MAML3: variants seen among roughly 807,000 people sequenced by gnomAD.
The protein encoded by MAML3 is mastermind like transcriptional coactivator 3.
A neutral mutation model predicts 101.9 loss-of-function variants in MAML3; 27 were observed. The observed-to-expected ratio is 0.27, with a 90% CI of 0.20 to 0.37. MAML3 has a LOEUF of 0.37. Among genes scored for constraint, MAML3 ranks in the 10% least tolerant of loss-of-function variants. The pLI is 1.00. For missense variants in MAML3, 1,316 were observed against 1,444.9 expected (o/e 0.91, Z 1.45); for synonymous variants, 501 against 555.9 (o/e 0.90, Z 1.39).
chr4:139,859,318 C>T (rs1187460489), intron 2 of MAML3, among the ~76,000 whole-genome samples: 1 of 151,412 alleles, frequency 6.6e-6, no homozygotes, highest in East Asian at 1.9e-4. Context: ...CCTCCACTTC[C>T]TGGGCTAAAG....
chr4:139,812,538 T>C (rs1730823497), intron 2 of MAML3, among the ~76,000 whole-genome samples: 2 of 152,150 alleles, frequency 1.3e-5, no homozygotes, highest in South Asian at 2.1e-4. Flanking sequence ...GTAATAGAAA[T>C]GGGAATTAAG....
chr4:139,733,809 T>C (rs1487346669), intron 2 of MAML3, among the ~76,000 whole-genome samples: 1 of 152,166 alleles, frequency 6.6e-6, no homozygotes, highest in Non-Finnish European at 1.5e-5. Context: ...CTCAGCCTCC[T>C]GGGTAGGTGG....
intron 1 of MAML3, among the ~76,000 whole-genome samples, chr4:140,064,732 C>G (rs1427063852): frequency 1.3e-5 from 2 of 152,166 alleles, no homozygotes; most frequent in Admixed American, 1.3e-4. Context: ...TCAAGAAGAA[C>G]TCGCCTTCCT....
At chr4:139,730,082 T>C (rs1728640607) in intron 3 of MAML3, among the ~76,000 whole-genome samples, 2 of 152,216 alleles carry the variant, frequency 1.3e-5, no homozygotes, top group African/African-American at 2.4e-5. Flanking sequence ...ATGGAGCATG[T>C]GAGACAGTCC....
chr4:139,771,362 T>A (rs978674004), intron 2 of MAML3, among the ~76,000 whole-genome samples: 1 of 152,226 alleles, frequency 6.6e-6, no homozygotes, highest in Non-Finnish European at 1.5e-5. Context: ...CATTCCTAAC[T>A]ATTCCAGTGA....
intron 2 of MAML3, among the ~76,000 whole-genome samples, chr4:139,808,101 G>A (rs918585724): frequency 5.3e-5 from 8 of 152,230 alleles, no homozygotes; most frequent in African/African-American, 1.9e-4. Context: ...AACTTGCAGT[G>A]TGTGGAGAGG....
At chr4:139,952,030 C>T (rs1399456611) in intron 1 of MAML3, among the ~76,000 whole-genome samples, 8 of 152,030 alleles carry the variant, frequency 5.3e-5, no homozygotes, top group Admixed American at 2.0e-4. Context: ...CCGTGTGTAG[C>T]GGCGGGTGCC....
intron 2 of MAML3, among the ~76,000 whole-genome samples, chr4:139,816,776 A>G (rs1578614878): frequency 6.6e-6 from 1 of 152,082 alleles, no homozygotes; most frequent in African/African-American, 2.4e-5. Context: ...GGTTCTAGAA[A>G]ACTAAAAGGG....
intron 4 of MAML3, among the ~76,000 whole-genome samples, chr4:139,722,204 A>C (rs1579358545): frequency 6.6e-6 from 1 of 152,364 alleles, no homozygotes; most frequent in East Asian, 1.9e-4. Context: ...GCAGTGATAC[A>C]TTAATCCAAG....
At chr4:139,870,703 G>A (rs145186110) in intron 2 of MAML3, among the ~76,000 whole-genome samples, 9 of 152,042 alleles carry the variant, frequency 5.9e-5, no homozygotes, top group Admixed American at 3.3e-4. Flanking sequence ...GTTCAGTGGC[G>A]CAATCACAGC....
chr4:140,061,088 C>T (rs144130885), intron 1 of MAML3, among the ~76,000 whole-genome samples: 2 of 152,320 alleles, frequency 1.3e-5, no homozygotes, highest in Admixed American at 6.5e-5. Context: ...TGGACTTCTA[C>T]GTGGTCCCCA....
chr4:139,755,060 C>T (rs866306295), intron 2 of MAML3, among the ~76,000 whole-genome samples: 2 of 152,216 alleles, frequency 1.3e-5, no homozygotes, highest in Admixed American at 1.3e-4. Context: ...GATTCTTCAG[C>T]TGTCTGCTCA....
chr4:139,753,477 G>T (rs1041833736), intron 2 of MAML3, among the ~76,000 whole-genome samples: 1 of 152,000 alleles, frequency 6.6e-6, no homozygotes, highest in African/African-American at 2.4e-5. Context: ...AGAAAATCCT[G>T]ACAGAAAAAA....
chr4:139,825,191 G>GA (rs1213275273), intron 2 of MAML3, among the ~76,000 whole-genome samples: 20 of 152,036 alleles, frequency 1.3e-4, no homozygotes, highest in Non-Finnish European at 2.1e-4. Context: ...AGAATAATGG[G>GA]AAAAAAATTA....
chr4:139,848,394 T>C (rs1731487503), intron 2 of MAML3, among the ~76,000 whole-genome samples: 1 of 152,224 alleles, frequency 6.6e-6, no homozygotes, highest in South Asian at 2.1e-4. Context: ...GAAGCATTAA[T>C]GCGTGAGATA....
rs181047391 is a variant in MAML3, at chr4:139,936,905, T to C, written c.469-45938A>G. ...AACCAAGGCCATTAGAAATTCATCT[T>C]GCTCAAGGGAGGCAAGAGGCTGAAT... On this transcript the variant is annotated intron_variant, in intron 1 of 4. Coordinates refer to ENST00000509479, the MANE Select transcript of MAML3 (RefSeq NM_018717.5). Among the ~76,000 whole-genome samples the C allele has an allele frequency of 3.9e-3, 587 of 152,298 alleles. 4 individuals are homozygous for C. The highest frequency in any genetic ancestry group is 4.8e-3 in the Non-Finnish European group (329 of 68,026).
At chr4:140,029,892 G>A (rs1375333050) in intron 1 of MAML3, among the ~76,000 whole-genome samples, 1 of 152,132 alleles carries the variant, frequency 6.6e-6, no homozygotes, top group Non-Finnish European at 1.5e-5. Flanking sequence ...GTTTGAGGAG[G>A]ATTCTGCTTG....
intron 1 of MAML3, among the ~76,000 whole-genome samples, chr4:140,078,528 C>T (rs893403576): frequency 6.6e-6 from 1 of 152,042 alleles, no homozygotes; most frequent in Admixed American, 6.5e-5. Flanking sequence ...TCTCACTTGC[C>T]ACAGGATGGG....
At chr4:139,770,411 C>T (rs577296534) in intron 2 of MAML3, among the ~76,000 whole-genome samples, 21 of 152,178 alleles carry the variant, frequency 1.4e-4, no homozygotes, top group African/African-American at 4.1e-4. Context: ...GGAAGGAAAA[C>T]GGAAGTCTCT....
Sources: allele counts gnomAD v4.1 joint callset (sites outside exome capture counted in the v4.1 genomes callset), GRCh38; gene constraint gnomAD v4.1.1; transcripts MANE v1.5; gene names NCBI Gene and HGNC (gene_info 2026-07-23, HGNC 2026-07-21).